SAXO2: variants seen among roughly 807,000 people sequenced by gnomAD.
SAXO2 encodes stabilizer of axonemal microtubules 2.
Under a neutral mutation model 18.7 loss-of-function variants are expected in SAXO2, and 17 were observed. That is an observed-to-expected ratio of 0.91 (90% CI 0.62 to 1.36). SAXO2 has a LOEUF of 1.36. Among genes scored for constraint, SAXO2 ranks in the 40% most tolerant of loss-of-function variants. The pLI, the probability that SAXO2 is intolerant of heterozygous loss-of-function variation, is 0.00. For synonymous variants in SAXO2, 163 were observed against 181.2 expected (o/e 0.90, Z 0.81); for missense variants, 486 against 562.6 (o/e 0.86, Z 1.38).
intron 2 of SAXO2, among the ~76,000 whole-genome samples, chr15:82,270,654 A>T (rs866296375): frequency 6.6e-6 from 1 of 152,216 alleles, no homozygotes. Context: ...TCACGTGTCA[A>T]TAGAGTCCAG....
intron 1 of SAXO2, 22 bp from the exon 2 acceptor site, chr15:82,265,546 CT>C: frequency 7.7e-7 from 1 of 1,301,990 alleles, no homozygotes; most frequent in Non-Finnish European, 9.7e-7. Flanking sequence ...TAAGGTTAAT[CT>C]TTCAGTTTAT....
intron 2 of SAXO2, 128 bp from the exon 3 acceptor site, chr15:82,271,475 C>A: frequency 2.6e-6 from 2 of 757,370 alleles, no homozygotes; most frequent in South Asian, 2.1e-5. Flanking sequence ...TCAACTATTA[C>A]CATTTTAATA....
rs572019359 is a variant in SAXO2 at position 82,282,729 on chromosome 15, T to C, written c.1044T>C (p.Asp348=). ...AAGGAAAAAGCATCATGAAAGAAGA[T>C]TTTCCAGCATGGGAAAGTTGTCGTC... ...PFQGKSIMKE[D]FPAWESCRQG... The change falls in exon 4 of 4, where the codon GAT becomes GAC. Residue 348 remains aspartate, a synonymous_variant. Transcript: ENST00000682753. The C allele has an allele frequency of 1.9e-6, 3 of 1,614,126 alleles. No individual in the cohort carries two copies. In the South Asian group the frequency reaches 3.3e-5, roughly 18 times the overall value.
At chr15:82,281,649 T>G (rs1208841780) in intron 3 of SAXO2, among the ~76,000 whole-genome samples, 3 of 152,004 alleles carry the variant, frequency 2.0e-5, no homozygotes, top group Non-Finnish European at 4.4e-5. Flanking sequence ...AAGCAAGGAG[T>G]AATACCTGTA....
chr15:82,270,835 A>C (rs531052255), intron 2 of SAXO2, among the ~76,000 whole-genome samples: 1 of 152,336 alleles, frequency 6.6e-6, no homozygotes, highest in African/African-American at 2.4e-5. Flanking sequence ...GGGCATAAAC[A>C]GGTTAATGAA....
At chr15:82,272,429 G>A (rs1467759913) in intron 3 of SAXO2, among the ~76,000 whole-genome samples, 2 of 152,184 alleles carry the variant, frequency 1.3e-5, no homozygotes, top group Admixed American at 6.5e-5. Context: ...TAAGAATTCT[G>A]GGATGGTGGA....
chr15:82,273,998 A>C (rs2075294261), intron 3 of SAXO2, among the ~76,000 whole-genome samples: 2 of 152,054 alleles, frequency 1.3e-5, no homozygotes, highest in Admixed American at 1.3e-4. Context: ...GTCCTCCCAA[A>C]GTGCTGGGAT....
chr15:82,266,011 C>T (rs1274703650), intron 2 of SAXO2, among the ~76,000 whole-genome samples: 1 of 151,822 alleles, frequency 6.6e-6, no homozygotes, highest in East Asian at 1.9e-4. Context: ...TATTTATCTA[C>T]TTTCCACTGT....
At position 82,262,860 on chromosome 15, in the gene SAXO2, G is replaced by C. The variant is rs750278738; in HGVS notation, c.-20G>C. 8.9e-6 allele frequency: 14 copies of C among 1,579,260 alleles called. No homozygotes were observed. The African/African-American group carries it at 9.5e-5, about 11-fold the overall frequency. ...TGGGAGTGGAGAAGCTGCAAGTGCTGAGGCGCGGTGGAGGAAAGCATGGGA... is the reference window on the plus strand; with the variant it reads ...TGGGAGTGGAGAAGCTGCAAGTGCTCAGGCGCGGTGGAGGAAAGCATGGGA... On this transcript the variant is annotated 5_prime_UTR_variant, in exon 1 of 4. Coordinates refer to ENST00000682753, the MANE Select transcript of SAXO2 (RefSeq NM_001348699.2).
At chr15:82,269,229 G>T (rs1437798637) in intron 2 of SAXO2, among the ~76,000 whole-genome samples, 1 of 152,162 alleles carries the variant, frequency 6.6e-6, no homozygotes, top group African/African-American at 2.4e-5. Context: ...AACTGCAACA[G>T]TGATAAAATC....
At chr15:82,263,076 C>A (rs974389206) in intron 1 of SAXO2, 144 bp downstream of exon 1, 1 of 1,511,488 alleles carries the variant, frequency 6.6e-7, no homozygotes, top group Admixed American at 2.4e-5. Flanking sequence ...CCCCACTTAT[C>A]CCGCTCCGCG....
At position 82,263,031 on chromosome 15, in the gene SAXO2, C is replaced by A. The variant is rs1457928123; in HGVS notation, c.53+99C>A. The A allele has an allele frequency of 3.9e-6, 6 of 1,538,222 alleles. No homozygotes were observed. In the African/African-American group the frequency reaches 8.3e-5, roughly 21 times the overall value. On this transcript the variant is annotated intron_variant, in intron 1 of 3. Transcript: ENST00000682753. Reference sequence around the variant, plus strand: ...CCTCGGGAACCCTGAGAGTGGCCGTCCCCCGGAGATGAAGGGACGAGGGCG... The same window carrying A: ...CCTCGGGAACCCTGAGAGTGGCCGTACCCCGGAGATGAAGGGACGAGGGCG...
In SAXO2 at chr15:82,264,703, G is replaced by A. The variant is rs573487948; in HGVS notation, c.54-866G>A. 2.0e-5 allele frequency: 14 copies of A among 702,388 alleles called. No individual in the cohort carries two copies. In the East Asian group the frequency reaches 3.8e-4, roughly 19 times the overall value. 43.5% of individuals were successfully genotyped at this position (702,388 alleles called of 1,614,324 possible). A position where few individuals can be genotyped will look rare whatever the true frequency, so the allele number is the denominator to read the frequency against. The stretch of plus-strand genomic sequence containing the variant: ...GACTGACAAGGGAGCCACTGCCTCT[G>A]CCATAATCAGAAAATTGCAACAGAG... On this transcript the variant is annotated intron_variant, in intron 1 of 3. Transcript: ENST00000682753.
At chr15:82,280,033 C>T (rs986122035) in intron 3 of SAXO2, among the ~76,000 whole-genome samples, 1 of 152,072 alleles carries the variant, frequency 6.6e-6, no homozygotes, top group Non-Finnish European at 1.5e-5. Context: ...GCATTGTTTT[C>T]TTGTTTTTCC....
At position 82,277,365 on chromosome 15, in the gene SAXO2, A is replaced by T. The variant is rs192143053; in HGVS notation, c.434-4754A>T. Among the ~76,000 whole-genome samples, 1,266 of 152,294 alleles carry T rather than the reference A, an allele frequency of 8.3e-3. 13 individuals are homozygous for T. The highest frequency in any genetic ancestry group is 0.028 in the African/African-American group (1,161 of 41,578). On this transcript the variant is annotated intron_variant, in intron 3 of 3. Coordinates refer to ENST00000682753, the MANE Select transcript of SAXO2 (RefSeq NM_001348699.2). The stretch of plus-strand genomic sequence containing the variant: ...TCACACATTAAAAAGATATTATTTT[A>T]AAAAATATGCCAATAATTTACAACT...
chr15:82,269,514 C>T (rs933911988), intron 2 of SAXO2, among the ~76,000 whole-genome samples: 1 of 152,084 alleles, frequency 6.6e-6, no homozygotes, highest in African/African-American at 2.4e-5. Context: ...AGCCTTTAAA[C>T]CATGTTCAGT....
chr15:82,281,750 T>C (rs2075363545), intron 3 of SAXO2, among the ~76,000 whole-genome samples: 1 of 151,478 alleles, frequency 6.6e-6, no homozygotes, highest in Admixed American at 6.6e-5. Context: ...GTAATTAAAA[T>C]CCCAACCTCT....
rs368164942 is a variant in SAXO2 at position 82,282,388 on chromosome 15, G to C, written c.703G>C (p.Asp235His). 1 of 1,614,088 alleles carries C rather than the reference G, an allele frequency of 6.2e-7. No homozygotes were observed. The highest frequency in any genetic ancestry group is 8.5e-7 in the Non-Finnish European group (1 of 1,180,018). Reference sequence around the variant, plus strand: ...GCCAAAAGAAGTTTACAAACCAACTGACCAACGCTTTGAGGATCTCACAAC... The same window carrying C: ...GCCAAAAGAAGTTTACAAACCAACTCACCAACGCTTTGAGGATCTCACAAC... Reference protein sequence around the residue: ...ERPKEVYKPTDQRFEDLTTHR... With the variant: ...ERPKEVYKPTHQRFEDLTTHR... The change falls in exon 4 of 4, where the codon GAC becomes CAC. Residue 235 changes from aspartate (D) to histidine (H), a missense_variant. Physicochemically the swap from Asp to His is moderately conservative, Grantham distance 81. Coordinates refer to ENST00000682753, the MANE Select transcript of SAXO2 (RefSeq NM_001348699.2).
At position 82,282,757 on chromosome 15, in the gene SAXO2, G is replaced by T; in HGVS notation, c.1072G>T (p.Gly358Ter). 2.5e-6 allele frequency: 4 copies of T among 1,614,124 alleles called. No individual in the cohort carries two copies. Among genetic ancestry groups the T allele is most frequent in the Non-Finnish European group, 3.4e-6 (4 of 1,180,020 alleles). ...DFPAWESCRQ[G>*]LIKKQQQIPN... ...TCCAGCATGGGAAAGTTGTCGTCAA[G>T]GACTTATTAAGAAGCAGCAGCAGAT... Residue 358 changes from glycine (G) to a stop codon, truncating the protein, a stop_gained, in exon 4 of 4, where the codon GGA (glycine) becomes TGA (stop). Coordinates refer to ENST00000682753, the MANE Select transcript of SAXO2 (RefSeq NM_001348699.2). LOFTEE classifies it high-confidence loss of function.
Sources: gnomAD v4.1 joint callset for allele counts (sites outside exome capture counted in the v4.1 genomes callset) on GRCh38, gnomAD v4.1.1 for gene constraint, MANE v1.5 for transcripts, NCBI Gene and HGNC (gene_info 2026-07-23, HGNC 2026-07-21) for gene names.